The following PSMD1 variants were observed in gnomAD, a reference collection of about 807,000 sequenced individuals.
PSMD1 encodes 26S proteasome non-ATPase regulatory subunit 1.
PSMD1 carries 18 observed loss-of-function variants against 119.0 expected under a neutral mutation model. That is an observed-to-expected ratio of 0.15 (90% CI 0.10 to 0.22). The LOEUF is 0.22. Among genes scored for constraint, PSMD1 ranks in the 10% least tolerant of loss-of-function variants. PSMD1 has a pLI of 1.00. For missense variants in PSMD1, 702 were observed against 1,158.5 expected, an observed-to-expected ratio of 0.61 and a Z score of 5.72; for synonymous variants, 374 against 396.6, an observed-to-expected ratio of 0.94 and a Z score of 0.68.
intron 7 of PSMD1, among the ~76,000 whole-genome samples, chr2:231,074,953 G>A (rs1310729571): frequency 2.6e-5 from 4 of 152,004 alleles, no homozygotes; most frequent in Non-Finnish European, 4.4e-5. Flanking sequence ...TTCAGCCTCC[G>A]GAGTAGCTGG....
chr2:231,122,247 T>G (rs573488796), intron 16 of PSMD1, among the ~76,000 whole-genome samples: 1 of 152,258 alleles, frequency 6.6e-6, no homozygotes, highest in African/African-American at 2.4e-5. Context: ...CAGGTAAATG[T>G]TGATTTAAAA....
rs749104851 is a variant in PSMD1, at chr2:231,170,585, T to A, written c.2735T>A (p.Ile912Asn). ...TTCCAGCTCTCTATTGGAGGCATCA[T>A]CATTCTGAAGGATACCAGTGAAGAC... ...PFKPLSIGGIIILKDTSEDIE... is the reference protein window; with the variant it reads ...PFKPLSIGGINILKDTSEDIE... The change falls in exon 24 of 25, where the codon ATC becomes AAC. Residue 912 changes from isoleucine (I) to asparagine (N), a missense_variant. This residue lies in a region of PSMD1 where 152 missense variants were observed against 239.3 expected (regional missense o/e 0.64). Coordinates refer to ENST00000308696, the MANE Select transcript of PSMD1 (RefSeq NM_002807.4). This position sits in a 1 kb window ranked among gnomAD's most constrained non-coding sequence, Gnocchi z 4.1. 1 of 1,613,564 alleles carries A rather than the reference T, an allele frequency of 6.2e-7. No individual in the cohort carries two copies. The highest frequency in any genetic ancestry group is 1.1e-5 in the South Asian group (1 of 90,930).
chr2:231,140,054 C>T (rs1696067496), intron 17 of PSMD1, among the ~76,000 whole-genome samples: 1 of 152,176 alleles, frequency 6.6e-6, no homozygotes, highest in Non-Finnish European at 1.5e-5. Context: ...CAAGGCTTTG[C>T]TCCCAGTGCC....
intron 16 of PSMD1, among the ~76,000 whole-genome samples, chr2:231,126,258 C>G (rs1167683177): frequency 4.6e-5 from 7 of 152,076 alleles, no homozygotes; most frequent in African/African-American, 1.7e-4. Context: ...ATAAATTAGC[C>G]AAGGGTGGTG....
chr2:231,077,446 A>G (rs1211127251), intron 9 of PSMD1, among the ~76,000 whole-genome samples: 1 of 152,214 alleles, frequency 6.6e-6, no homozygotes, highest in East Asian at 1.9e-4. Flanking sequence ...TTAGACAAAT[A>G]GCACAATCAG....
chr2:231,149,113 T>C (rs1055426082), intron 18 of PSMD1, among the ~76,000 whole-genome samples: 22 of 152,354 alleles, frequency 1.4e-4, no homozygotes, highest in African/African-American at 4.3e-4. Context: ...CATTAATATA[T>C]GTCACATCCC....
chr2:231,134,123 T>TA (rs766825050), intron 16 of PSMD1, among the ~76,000 whole-genome samples: 1 of 152,228 alleles, frequency 6.6e-6, no homozygotes, highest in African/African-American at 2.4e-5. Flanking sequence ...AGTTTTTACT[T>TA]ACTGCTGCCT....
chr2:231,148,452 A>T (rs958344620), intron 18 of PSMD1, among the ~76,000 whole-genome samples: 3 of 152,234 alleles, frequency 2.0e-5, no homozygotes, highest in Non-Finnish European at 4.4e-5. Flanking sequence ...GGAGCTGGAT[A>T]ATCATTCCAG....
At chr2:231,098,361 CT>C (rs200048251) in intron 16 of PSMD1, among the ~76,000 whole-genome samples, 2,996 of 152,188 alleles carry the variant, frequency 0.02, 39 homozygotes, top group Non-Finnish European at 0.034. Context: ...ACTGTTTTCT[CT>C]TTACTACTTC....
intron 16 of PSMD1, among the ~76,000 whole-genome samples, chr2:231,136,306 A>G (rs753778055): frequency 5.3e-5 from 8 of 152,242 alleles, no homozygotes; most frequent in Non-Finnish European, 1.0e-4. Context: ...GTCTTGAAAC[A>G]GCCTTTCTGG....
chr2:231,100,926 G>T (rs560704518), intron 16 of PSMD1, among the ~76,000 whole-genome samples: 1 of 152,178 alleles, frequency 6.6e-6, no homozygotes, highest in Non-Finnish European at 1.5e-5. Flanking sequence ...CTCGCAATCT[G>T]TTGCAGCGTT....
Position 231,170,777 on chromosome 2 carries a change from T to C in PSMD1, c.*9+56T>C. 1 of 1,485,020 alleles carries C rather than the reference T, an allele frequency of 6.7e-7. No homozygotes were observed. Among genetic ancestry groups the C allele is most frequent in the Non-Finnish European group, 9.0e-7 (1 of 1,108,280 alleles). The allele number at this position is 1,485,020 out of a possible 1,614,324, so 92.0% of individuals were successfully genotyped here. A position where few individuals can be genotyped will look rare whatever the true frequency, so the allele number is the denominator to read the frequency against. ...CTTCTTTGTCAATACTTCACAAATG[T>C]TTTTTGCAAGGACATCATCTCACGT... On this transcript the variant is annotated intron_variant, in intron 24 of 24. Coordinates refer to ENST00000308696, the MANE Select transcript of PSMD1 (RefSeq NM_002807.4). The surrounding 1 kb of genome is among the most constrained non-coding windows in gnomAD (Gnocchi z 4.1).
At chr2:231,139,314 C>CTTTTTTTTTTTTTTTTTT (rs60709158) in intron 17 of PSMD1, among the ~76,000 whole-genome samples, 9 of 93,540 alleles carry the variant, frequency 9.6e-5, no homozygotes, top group African/African-American at 1.3e-4. Flanking sequence ...TTTTTTCTTT[C>CTTTTTTTTTTTTTTTTTT]TTTTTTTTTT....
intron 16 of PSMD1, among the ~76,000 whole-genome samples, chr2:231,091,084 G>A (rs1694578139): frequency 6.6e-6 from 1 of 152,176 alleles, no homozygotes; most frequent in Non-Finnish European, 1.5e-5. Context: ...TGGGCTAGGG[G>A]GCTGCTGGCA....
At chr2:231,140,279 A>C (rs553928356) in intron 17 of PSMD1, among the ~76,000 whole-genome samples, 1 of 150,746 alleles carries the variant, frequency 6.6e-6, no homozygotes, top group Admixed American at 6.6e-5. Context: ...GCAGATCACG[A>C]GGTCAGGAGT....
At chr2:231,138,385 A>G (rs1696022156) in intron 16 of PSMD1, among the ~76,000 whole-genome samples, 1 of 152,232 alleles carries the variant, frequency 6.6e-6, no homozygotes, top group Admixed American at 6.5e-5. Context: ...AACAAAATGC[A>G]AAGTAACCAA....
intron 16 of PSMD1, among the ~76,000 whole-genome samples, chr2:231,099,611 G>A (rs1559229577): frequency 6.6e-6 from 1 of 152,012 alleles, no homozygotes; most frequent in African/African-American, 2.4e-5. Flanking sequence ...TGATGGTTTT[G>A]GGGTAAGGTT....
intron 16 of PSMD1, among the ~76,000 whole-genome samples, chr2:231,089,804 G>A (rs139898607): frequency 1.6e-3 from 249 of 152,146 alleles, no homozygotes; most frequent in African/African-American, 5.6e-3. Flanking sequence ...TCCTTTTCAC[G>A]TTTTTCTGCC....
intron 16 of PSMD1, among the ~76,000 whole-genome samples, chr2:231,117,865 TA>T (rs1023097968): frequency 2.2e-4 from 33 of 152,224 alleles, no homozygotes; most frequent in African/African-American, 7.7e-4. Context: ...AACTTGTCCC[TA>T]GGGGGGAAAA....
Sources: allele counts gnomAD v4.1 joint callset (sites outside exome capture counted in the v4.1 genomes callset), GRCh38; gene constraint gnomAD v4.1.1; regional missense constraint gnomAD v4.1.1; non-coding constraint Gnocchi (gnomAD v3.1); transcripts MANE v1.5; gene names NCBI Gene and HGNC (gene_info 2026-07-23, HGNC 2026-07-21).